The following RAB33A variants were observed in gnomAD, a reference collection of about 807,000 sequenced individuals.
RAB33A encodes RAB33A, member RAS oncogene family, also known as ras-related protein Rab-33A.
In RAB33A, 6 loss-of-function variants were observed where a neutral mutation model predicts 12.0. That is an observed-to-expected ratio of 0.50 (90% confidence interval 0.27 to 0.99). The LOEUF (loss-of-function observed/expected upper bound fraction) is 0.99, where lower values mean the gene tolerates loss of function less well. Among genes scored for constraint, RAB33A ranks in the 50% least tolerant of loss-of-function variants. The probability of loss-of-function intolerance (pLI) is 0.11; values close to 1 mark genes in which losing one functional copy is unlikely to be tolerated. For synonymous variants in RAB33A, 70 were observed against 82.4 expected, an observed-to-expected ratio of 0.85 and a Z score of 0.81; for missense variants, 109 against 192.0, an observed-to-expected ratio of 0.57 and a Z score of 2.55.
intron 1 of RAB33A, among the ~76,000 whole-genome samples, chrX:130,183,542 G>A (rs1408017027): frequency 1.8e-5 from 2 of 108,735 alleles, no homozygotes; most frequent in African/African-American, 3.4e-5. Context: ...GTGACAGAGC[G>A]AGACACGGTC....
chrX:130,159,651 G>C, the RAB33A span, among the ~76,000 whole-genome samples: 1 of 108,989 alleles, frequency 9.2e-6, no homozygotes, highest in Non-Finnish European at 1.9e-5. Flanking sequence ...TATTCCTCCA[G>C]AAGACCCTAA....
the RAB33A span, among the ~76,000 whole-genome samples, chrX:130,153,888 G>A: frequency 1.8e-5 from 2 of 112,031 alleles, no homozygotes; most frequent in African/African-American, 3.2e-5. Flanking sequence ...TCAGTCCGTG[G>A]TGTTTTGTTA....
chrX:130,171,890 C>G, upstream of RAB33A: 2 of 514,320 alleles, frequency 3.9e-6, no homozygotes, highest in Non-Finnish European at 6.1e-6. Context: ...AGAGGCACCC[C>G]CTTCACGCGC....
At chrX:130,120,950 C>T in the RAB33A span, among the ~76,000 whole-genome samples, 3 of 113,008 alleles carry the variant, frequency 2.7e-5, no homozygotes, top group Admixed American at 9.3e-5. Context: ...GATATCGGCT[C>T]CTCTGCCCCC....
the RAB33A span, among the ~76,000 whole-genome samples, chrX:130,157,513 C>A: frequency 2.6e-3 from 294 of 112,298 alleles, no homozygotes; most frequent in Non-Finnish European, 3.6e-3. Flanking sequence ...CATTTGGTGT[C>A]TGCTGCAACT....
chrX:130,136,803 C>T, the RAB33A span: 1 of 1,092,866 alleles, frequency 9.2e-7, no homozygotes, highest in Non-Finnish European at 1.3e-6. Flanking sequence ...GAAAGCTGAC[C>T]AGCGGTCTCC....
At chrX:130,182,600 T>C (rs991316893) in intron 1 of RAB33A, among the ~76,000 whole-genome samples, 1 of 108,450 alleles carries the variant, frequency 9.2e-6, no homozygotes, top group Non-Finnish European at 1.9e-5. Context: ...ACTAAAAATA[T>C]AAAATTAGCC....
the RAB33A span, among the ~76,000 whole-genome samples, chrX:130,130,620 T>A: frequency 1.8e-5 from 2 of 112,657 alleles, no homozygotes; most frequent in Non-Finnish European, 3.7e-5. Context: ...GTACTCACCA[T>A]GTTTCATGAG....
In RAB33A at chrX:130,184,649, T is replaced by C. The variant is rs1296512485; in HGVS notation, c.623T>C (p.Leu208Pro). ...TGCCGATTGAAGGCCCAGAAATCCC[T>C]GCTGTATCGTGATGCTGAGAGGCAG... is the stretch of plus-strand genomic sequence containing the variant. ...LACRLKAQKSLLYRDAERQQG... is the reference protein window; with the variant it reads ...LACRLKAQKSPLYRDAERQQG... Residue 208 changes from leucine (L) to proline (P), a missense_variant, in exon 2 of 2, where the codon CTG becomes CCG. Physicochemically the swap from Leu to Pro is moderately conservative, Grantham distance 98. Transcript: ENST00000257017. 8.3e-7 allele frequency: 1 copy of C among 1,211,675 alleles called. No individual in the cohort carries two copies. The highest frequency in any genetic ancestry group is 1.1e-6 in the Non-Finnish European group (1 of 895,463).
At chrX:130,150,557 G>A in the RAB33A span, among the ~76,000 whole-genome samples, 2 of 104,687 alleles carry the variant, frequency 1.9e-5, no homozygotes, top group African/African-American at 3.5e-5. Flanking sequence ...GGATGGTCTC[G>A]ATCTCCTGAC....
rs964446865 is a variant in RAB33A at position 130,171,968 on chromosome X, G to T, written c.-95G>T. The T allele has an allele frequency of 8.5e-5, 84 of 990,373 alleles. No homozygotes were observed. Among genetic ancestry groups the T allele is most frequent in the Non-Finnish European group, 1.0e-4 (77 of 749,033 alleles). The allele number at this position is 990,373 out of a possible 1,213,427, so 81.6% of individuals were successfully genotyped here. On this transcript the variant is annotated 5_prime_UTR_variant, in exon 1 of 2. Transcript: ENST00000257017. ...CACACACACGCGCGCACACACACAC[G>T]CACAGAGCTCGCTCGCCTCGAGCGC...
At chrX:130,141,893 G>T in the RAB33A span, among the ~76,000 whole-genome samples, 2 of 111,751 alleles carry the variant, frequency 1.8e-5, no homozygotes, top group African/African-American at 3.3e-5. Flanking sequence ...CTGTTTATTT[G>T]ACTAGCTGCT....
At chrX:130,164,766 G>A in the RAB33A span, among the ~76,000 whole-genome samples, 1 of 111,473 alleles carries the variant, frequency 9.0e-6, no homozygotes, top group African/African-American at 3.3e-5. Flanking sequence ...GGACCTGGAG[G>A]CTAGCAAACT....
chrX:130,154,380 A>C, the RAB33A span, among the ~76,000 whole-genome samples: 1 of 112,347 alleles, frequency 8.9e-6, no homozygotes, highest in Non-Finnish European at 1.9e-5. Context: ...TTACCAACAT[A>C]CTGAACACAA....
At chrX:130,138,452 G>A in the RAB33A span, 93 of 493,509 alleles carry the variant, frequency 1.9e-4, 1 homozygote, top group Admixed American at 1.6e-3. Flanking sequence ...GTGACAGAGC[G>A]AGACTCCATC....
chrX:130,118,843 G>A, the RAB33A span, among the ~76,000 whole-genome samples: 1 of 111,647 alleles, frequency 9.0e-6, no homozygotes, highest in Non-Finnish European at 1.9e-5. Flanking sequence ...ATATGCCTGT[G>A]TGTGTGTGGG....
At chrX:130,151,072 G>A in the RAB33A span, among the ~76,000 whole-genome samples, 23 of 108,104 alleles carry the variant, frequency 2.1e-4, no homozygotes, top group Admixed American at 2.0e-4. Context: ...GTGAACATAT[G>A]TCAAATGAAA....
At chrX:130,139,932 T>G in the RAB33A span, 1 of 953,874 alleles carries the variant, frequency 1.0e-6, no homozygotes, top group Non-Finnish European at 1.5e-6. Context: ...CAAACAATAC[T>G]CCCTCCACCA....
At chrX:130,129,289 T>C in the RAB33A span, 2 of 385,102 alleles carry the variant, frequency 5.2e-6, no homozygotes, top group Non-Finnish European at 9.1e-6. Flanking sequence ...TGGTCGGTGC[T>C]GCAATTTGCT....
Sources: allele counts gnomAD v4.1 joint callset (sites outside exome capture counted in the v4.1 genomes callset), GRCh38; gene constraint gnomAD v4.1.1; transcripts MANE v1.5; gene names NCBI Gene and HGNC (gene_info 2026-07-23, HGNC 2026-07-21).